Variants in THADA observed in about 807,000 individuals in gnomAD.
THADA encodes tRNA (32-2'-O)-methyltransferase regulator THADA.
In THADA, 213 loss-of-function variants were observed where a neutral mutation model predicts 219.8. The ratio of observed to expected loss-of-function variants is 0.97; its 90% CI spans 0.87 to 1.09. The LOEUF (loss-of-function observed/expected upper bound fraction) is 1.09, where lower values mean the gene tolerates loss of function less well. Among genes scored for constraint, THADA ranks in the 50% least tolerant of loss-of-function variants. The pLI, the probability that THADA is intolerant of heterozygous loss-of-function variation, is 0.00. For missense variants in THADA, 2,956 were observed against 2,311.3 expected (o/e 1.28, Z -5.72); for synonymous variants, 1,018 against 828.9 (o/e 1.23, Z -3.92).
intron 26 of THADA, among the ~76,000 whole-genome samples, chr2:43,435,202 C>T (rs748140134): frequency 6.6e-6 from 1 of 152,176 alleles, no homozygotes; most frequent in Non-Finnish European, 1.5e-5. Context: ...CGACTGTAAT[C>T]CGAGCACTTT....
At chr2:43,235,177 A>G (rs1667891376) in intron 36 of THADA, among the ~76,000 whole-genome samples, 1 of 151,406 alleles carries the variant, frequency 6.6e-6, no homozygotes, top group Admixed American at 6.6e-5. Context: ...ATGGGGTTTC[A>G]CCATGTTGGC....
At chr2:43,235,429 G>T (rs1667925954) in intron 36 of THADA, among the ~76,000 whole-genome samples, 1 of 152,036 alleles carries the variant, frequency 6.6e-6, no homozygotes, top group Admixed American at 6.6e-5. Flanking sequence ...AAGTAGCTGG[G>T]ATTACAGGCA....
chr2:43,439,517 T>C (rs1379019876), intron 26 of THADA, among the ~76,000 whole-genome samples: 3 of 152,198 alleles, frequency 2.0e-5, no homozygotes, highest in Admixed American at 6.5e-5. Flanking sequence ...CCAACTCTTA[T>C]CAGATCAACT....
chr2:43,466,829 T>A (rs923361609), intron 26 of THADA, among the ~76,000 whole-genome samples: 7 of 152,190 alleles, frequency 4.6e-5, no homozygotes, highest in African/African-American at 1.7e-4. Context: ...TATTTTCTTA[T>A]CTTCAGCAGG....
intron 26 of THADA, among the ~76,000 whole-genome samples, chr2:43,480,948 A>C (rs1421386848): frequency 6.6e-6 from 1 of 152,238 alleles, no homozygotes. Context: ...AGCTATTCTG[A>C]ATTCTAATAA....
chr2:43,368,909 G>C (rs1451773027), intron 29 of THADA, among the ~76,000 whole-genome samples: 1 of 152,018 alleles, frequency 6.6e-6, no homozygotes, highest in South Asian at 2.1e-4. Context: ...ACTGTCTATA[G>C]CAATGACACC....
chr2:43,514,717 T>TA (rs1691059747), intron 22 of THADA, among the ~76,000 whole-genome samples: 2 of 86,038 alleles, frequency 2.3e-5, no homozygotes, highest in African/African-American at 1.0e-4. Flanking sequence ...TATATAAATA[T>TA]ATATTATATA....
intron 29 of THADA, among the ~76,000 whole-genome samples, chr2:43,388,507 C>T (rs1213140263): frequency 4.6e-5 from 7 of 152,180 alleles, no homozygotes; most frequent in Admixed American, 1.3e-4. Context: ...TTTCTCCCTT[C>T]CCATGATAAA....
intron 29 of THADA, among the ~76,000 whole-genome samples, chr2:43,382,684 C>CAT (rs1242885862): frequency 6.6e-6 from 1 of 152,170 alleles, no homozygotes; most frequent in Non-Finnish European, 1.5e-5. Flanking sequence ...CTAGCCACTT[C>CAT]ATGGATACTG....
intron 30 of THADA, among the ~76,000 whole-genome samples, chr2:43,342,743 T>C (rs1462919447): frequency 6.6e-6 from 1 of 152,224 alleles, no homozygotes; most frequent in Admixed American, 6.5e-5. Context: ...TCTCACTTCC[T>C]GGAAGTCCCT....
intron 29 of THADA, among the ~76,000 whole-genome samples, chr2:43,365,613 C>A (rs1160588767): frequency 7.0e-6 from 1 of 143,170 alleles, no homozygotes; most frequent in Non-Finnish European, 1.6e-5. Flanking sequence ...AAAATGCAGA[C>A]AGGTCAGATA....
chr2:43,540,922 G>T (rs906893079), intron 21 of THADA, among the ~76,000 whole-genome samples: 1 of 152,110 alleles, frequency 6.6e-6, no homozygotes, highest in African/African-American at 2.4e-5. Context: ...ACAGTTAAAA[G>T]TGAGGTAAAA....
At chr2:43,387,841 G>A (rs1672884315) in intron 29 of THADA, among the ~76,000 whole-genome samples, 1 of 152,178 alleles carries the variant, frequency 6.6e-6, no homozygotes, top group Admixed American at 6.5e-5. Flanking sequence ...GGTGAAGTGG[G>A]TAGCAATACA....
intron 31 of THADA, among the ~76,000 whole-genome samples, chr2:43,294,336 A>G (rs1241514744): frequency 2.0e-5 from 3 of 152,238 alleles, no homozygotes; most frequent in African/African-American, 7.2e-5. Context: ...CATAATTCCA[A>G]TATAGTGGTA....
chr2:43,488,894 T>C (rs781590230), intron 25 of THADA, among the ~76,000 whole-genome samples: 5 of 152,228 alleles, frequency 3.3e-5, no homozygotes, highest in Admixed American at 6.5e-5. Flanking sequence ...TGGTAACTCA[T>C]TGTAGCATTT....
At chr2:43,390,375 C>T (rs1673218952) in intron 29 of THADA, among the ~76,000 whole-genome samples, 1 of 152,176 alleles carries the variant, frequency 6.6e-6, no homozygotes, top group African/African-American at 2.4e-5. Context: ...CTCAAACATG[C>T]AGTTGGTATA....
chr2:43,270,996 C>T (rs1046879668), intron 36 of THADA, among the ~76,000 whole-genome samples: 1 of 152,188 alleles, frequency 6.6e-6, no homozygotes, highest in Non-Finnish European at 1.5e-5. Context: ...CCCCCACTGG[C>T]CTGCTCAGAG....
intron 27 of THADA, 95 bp from the exon 28 acceptor site, chr2:43,428,326 G>T: frequency 8.0e-7 from 1 of 1,245,462 alleles, no homozygotes; most frequent in Non-Finnish European, 1.1e-6. Context: ...TTATGTATAT[G>T]GCCGGGTGCG....
chr2:43,577,359 T>A (rs1335776111), intron 9 of THADA, 117 bp from the exon 10 acceptor site: 3 of 810,594 alleles, frequency 3.7e-6, no homozygotes, highest in Non-Finnish European at 5.8e-6. Flanking sequence ...AATGACTAAA[T>A]CCAAAGATAA....
Sources: allele counts gnomAD v4.1 joint callset (sites outside exome capture counted in the v4.1 genomes callset), GRCh38; gene constraint gnomAD v4.1.1; transcripts MANE v1.5; gene names NCBI Gene and HGNC (gene_info 2026-07-23, HGNC 2026-07-21).